C3orf20: variants seen among roughly 807,000 people sequenced by gnomAD.
C3orf20 encodes the protein family with sequence similarity 149 member C.
A neutral mutation model predicts 88.3 loss-of-function variants in C3orf20; 76 were observed. The observed-to-expected ratio is 0.86, with a 90% CI of 0.72 to 1.04. The LOEUF (loss-of-function observed/expected upper bound fraction) is 1.04. Ranked by LOEUF, C3orf20 falls within the 50% of genes least tolerant of loss-of-function variation. C3orf20 has a pLI of 0.00. For missense variants in C3orf20, 1,056 were observed against 1,123.3 expected, an observed-to-expected ratio of 0.94 and a Z score of 0.86; for synonymous variants, 436 against 437.4, an observed-to-expected ratio of 1.00 and a Z score of 0.04.
chr3:14,745,514 C>A (rs1478009137), intron 12 of C3orf20, among the ~76,000 whole-genome samples: 2 of 152,160 alleles, frequency 1.3e-5, no homozygotes, highest in Non-Finnish European at 2.9e-5. Flanking sequence ...CTATATAATA[C>A]CCACTGTGTA....
intron 12 of C3orf20, among the ~76,000 whole-genome samples, chr3:14,749,331 T>C (rs2035153451): frequency 6.6e-6 from 1 of 152,354 alleles, no homozygotes; most frequent in African/African-American, 2.4e-5. Flanking sequence ...TCTTTCATTT[T>C]AAACTTAGCT....
At chr3:14,750,552 CT>C (rs1253418998) in intron 12 of C3orf20, among the ~76,000 whole-genome samples, 1 of 83,192 alleles carries the variant, frequency 1.2e-5, no homozygotes, top group African/African-American at 5.5e-5. Context: ...GAGACCCTGT[CT>C]TAAAAAAAAA....
rs768791171 is a variant in C3orf20 at position 14,759,909 on chromosome 3, C to T, written c.2263C>T (p.Arg755Cys). 31 of 1,613,876 alleles carry T rather than the reference C, an allele frequency of 1.9e-5. No individual in the cohort carries two copies. The highest frequency in any genetic ancestry group is 2.2e-5 in the East Asian group (1 of 44,898). The stretch of plus-strand genomic sequence containing the variant: ...CTGGTAGTGCCGGTATGACTCCTAC[C>T]GCCTGCTGCAGTATGACCTGGACAG... ...PCIQCRYDSY[R>C]LLQYDLDSPL... The change falls in exon 14 of 17, where the codon CGC becomes TGC. Residue 755 changes from arginine to cysteine, a missense_variant. Transcript: ENST00000253697.
intron 12 of C3orf20, among the ~76,000 whole-genome samples, chr3:14,731,735 A>C (rs1483151422): frequency 6.6e-6 from 1 of 152,212 alleles, no homozygotes; most frequent in African/African-American, 2.4e-5. Flanking sequence ...CATAGTTTGC[A>C]GTCTAGGCAT....
intron 9 of C3orf20, among the ~76,000 whole-genome samples, chr3:14,720,604 G>A (rs1162086615): frequency 1.3e-5 from 2 of 152,110 alleles, no homozygotes; most frequent in East Asian, 3.9e-4. Flanking sequence ...GAGGCATCCT[G>A]GGGGTATTTG....
rs145785992 is a variant in C3orf20 at position 14,711,245 on chromosome 3, T to C, written c.1161-2762T>C. 8.8e-3 allele frequency among the ~76,000 whole-genome samples: 1,346 copies of C among 152,320 alleles called. 25 individuals carry two copies. The highest frequency in any genetic ancestry group is 0.031 in the African/African-American group (1,269 of 41,570). ...ATCTTCTGTCTAGTTGTTCTATCCA[T>C]TATTGAACATGAGGTAGTGAAGTCT... On this transcript the variant is annotated intron_variant, in intron 7 of 16. Coordinates refer to ENST00000253697, the MANE Select transcript of C3orf20 (RefSeq NM_032137.5).
At chr3:14,687,140 A>G (rs2032478741) in intron 4 of C3orf20, among the ~76,000 whole-genome samples, 1 of 152,216 alleles carries the variant, frequency 6.6e-6, no homozygotes, top group South Asian at 2.1e-4. Context: ...AAAGCTCTTC[A>G]ATAATTTTGC....
rs2035903323 is a variant in C3orf20 at position 14,773,014 on chromosome 3, G to A, written c.*139G>A. The A allele has an allele frequency of 1.5e-6, 1 of 672,032 alleles. No individual in the cohort carries two copies. The highest frequency in any genetic ancestry group is 2.7e-6 in the Non-Finnish European group (1 of 373,316). The allele number at this position is 672,032 out of a possible 1,614,324, so 41.6% of individuals were successfully genotyped here. A position where few individuals can be genotyped will look rare whatever the true frequency, so the allele number is the denominator to read the frequency against. ...AAACCAGCGGGCCTCCAGCATTGGG[G>A]TGAGGCTCTGGGGAAGGACAGACCC... On this transcript the variant is annotated 3_prime_UTR_variant, in exon 17 of 17. Transcript: ENST00000253697.
chr3:14,721,623 A>AGTACTCTGC, intron 9 of C3orf20, 30 bp from the exon 10 acceptor site: 1 of 1,611,332 alleles, frequency 6.2e-7, no homozygotes, highest in Non-Finnish European at 8.5e-7. Context: ...TGAAGCAGGG[A>AGTACTCTGC]TTCTCTGAGT....
At chr3:14,738,835 T>TC (rs2034814977) in intron 12 of C3orf20, among the ~76,000 whole-genome samples, 2 of 145,668 alleles carry the variant, frequency 1.4e-5, no homozygotes, top group Non-Finnish European at 3.0e-5. Flanking sequence ...TTTTTTTTTT[T>TC]AGTAGAGATG....
At chr3:14,720,533 GGTTGTTGTTGTTGTTGTTGTTGTT>G (rs199995038) in intron 9 of C3orf20, among the ~76,000 whole-genome samples, 43 of 149,246 alleles carry the variant, frequency 2.9e-4, no homozygotes, top group South Asian at 4.4e-4. Flanking sequence ...AGCAGAGAGT[GGTTGTTGTTGTTGTTGTTGTTGTT>G]GTTGTTGTTG....
intron 12 of C3orf20, among the ~76,000 whole-genome samples, chr3:14,747,861 C>A (rs1020300473): frequency 9.9e-5 from 15 of 151,876 alleles, no homozygotes; most frequent in African/African-American, 3.6e-4. Context: ...TTTCTATAAA[C>A]AATTTTTAAT....
chr3:14,707,127 T>G lies in C3orf20; in HGVS notation c.1160+2509T>G, dbSNP rs570460904. On this transcript the variant is annotated intron_variant, in intron 7 of 16. Transcript: ENST00000253697. ...AGCCGGGTGTGGTGGCGGGCGCCTGTAGTCCCAGCTACTCAGGAGGCTGAG... is the reference window on the plus strand; with the variant it reads ...AGCCGGGTGTGGTGGCGGGCGCCTGGAGTCCCAGCTACTCAGGAGGCTGAG... 3.3e-5 allele frequency among the ~76,000 whole-genome samples: 5 copies of G among 151,260 alleles called. No homozygotes were observed. In the East Asian group the frequency reaches 9.8e-4, roughly 30 times the overall value.
At chr3:14,755,607 C>T (rs1268174575) in intron 12 of C3orf20, among the ~76,000 whole-genome samples, 2 of 152,188 alleles carry the variant, frequency 1.3e-5, no homozygotes, top group Admixed American at 6.5e-5. Context: ...AAATAATGCT[C>T]ATCTTGCATT....
At chr3:14,680,184 C>T (rs1309195428) in intron 1 of C3orf20, among the ~76,000 whole-genome samples, 1 of 152,136 alleles carries the variant, frequency 6.6e-6, no homozygotes, top group African/African-American at 2.4e-5. Flanking sequence ...AACATACATC[C>T]ACACAAAAGC....
At chr3:14,752,338 G>C (rs1410235445) in intron 12 of C3orf20, among the ~76,000 whole-genome samples, 1 of 152,072 alleles carries the variant, frequency 6.6e-6, no homozygotes, top group African/African-American at 2.4e-5. Flanking sequence ...AACTCGAGAT[G>C]GATTAAAGAC....
intron 13 of C3orf20, among the ~76,000 whole-genome samples, chr3:14,758,830 A>G (rs914433346): frequency 1.3e-5 from 2 of 152,112 alleles, no homozygotes; most frequent in African/African-American, 4.8e-5. Flanking sequence ...AAGCCTTTTC[A>G]CTTGTCCCAT....
At chr3:14,751,387 C>T (rs1353054599) in intron 12 of C3orf20, among the ~76,000 whole-genome samples, 1 of 152,152 alleles carries the variant, frequency 6.6e-6, no homozygotes, top group Non-Finnish European at 1.5e-5. Context: ...CGGGTGCAGC[C>T]CCCGGAGGGC....
intron 10 of C3orf20, among the ~76,000 whole-genome samples, chr3:14,724,922 G>A (rs1004135287): frequency 6.6e-6 from 1 of 152,110 alleles, no homozygotes; most frequent in Non-Finnish European, 1.5e-5. Flanking sequence ...GTAAATCAAA[G>A]AGCATAACTG....
Sources: gnomAD v4.1 joint callset for allele counts (sites outside exome capture counted in the v4.1 genomes callset) on GRCh38, gnomAD v4.1.1 for gene constraint, MANE v1.5 for transcripts, NCBI Gene and HGNC (gene_info 2026-07-23, HGNC 2026-07-21) for gene names.